The following IQSEC1 variants were observed in gnomAD, a reference collection of about 807,000 sequenced individuals.
IQSEC1 encodes IQ motif and SEC7 domain-containing protein 1.
IQSEC1 carries 31 observed loss-of-function variants against 91.0 expected under a neutral mutation model. The observed-to-expected ratio is 0.34, with a 90% confidence interval of 0.26 to 0.46. The LOEUF is 0.46. Ranked by LOEUF, IQSEC1 falls within the 20% of genes least tolerant of loss-of-function variation. IQSEC1 has a pLI of 1.00. For synonymous variants in IQSEC1, 699 were observed against 662.6 expected (o/e 1.05, Z -0.84); for missense variants, 1,388 against 1,575.6 (o/e 0.88, Z 2.02).
In IQSEC1 at chr3:12,935,702, A is replaced by G; in HGVS notation, c.1314T>C (p.Asn438=). The change falls in exon 3 of 14, where the codon AAT becomes AAC. Residue 438 remains asparagine, a synonymous_variant. Coordinates refer to ENST00000613206, the MANE Select transcript of IQSEC1 (RefSeq NM_001134382.3). The surrounding 1 kb of genome is among the most constrained non-coding windows in gnomAD (Gnocchi z 8.0). ...ACTTGCTCTGCCGGTTGGCTGAGCCATTGATGGCCAAGTGGCTGTCCAGGG... is the reference window on the plus strand; with the variant it reads ...ACTTGCTCTGCCGGTTGGCTGAGCCGTTGATGGCCAAGTGGCTGTCCAGGG... The part of the protein sequence containing the change: ...PRPLDSHLAI[N]GSANRQSKSE... The G allele has an allele frequency of 2.5e-6, 4 of 1,613,388 alleles. No homozygotes were observed. The highest frequency in any genetic ancestry group is 3.4e-6 in the Non-Finnish European group (4 of 1,180,008).
intron 1 of IQSEC1, among the ~76,000 whole-genome samples, chr3:13,231,032 T>C (rs1442318781): frequency 2.0e-5 from 3 of 152,196 alleles, no homozygotes; most frequent in Non-Finnish European, 4.4e-5. Flanking sequence ...CATAAAGTAT[T>C]GATGATTTTA....
intron 2 of IQSEC1, among the ~76,000 whole-genome samples, chr3:13,149,630 G>A (rs1408258297): frequency 6.6e-6 from 1 of 152,084 alleles, no homozygotes; most frequent in African/African-American, 2.4e-5. Flanking sequence ...GACGTGATGG[G>A]AGGTGAGACT....
exon 1 of IQSEC1, among the ~76,000 whole-genome samples, chr3:13,283,111 C>T (rs1421446471): frequency 3.5e-5 from 5 of 144,634 alleles, no homozygotes; most frequent in Non-Finnish European, 6.1e-5. Context: ...CGCCTCGGCT[C>T]CCGCCTCCGC....
chr3:13,135,164 C>T (rs1304176620), intron 2 of IQSEC1, among the ~76,000 whole-genome samples: 1 of 152,212 alleles, frequency 6.6e-6, no homozygotes, highest in Admixed American at 6.5e-5. Context: ...GCCTTATAGG[C>T]CTAAGCAGAC....
At chr3:13,154,812 G>A (rs571121444) in intron 2 of IQSEC1, among the ~76,000 whole-genome samples, 1 of 151,638 alleles carries the variant, frequency 6.6e-6, no homozygotes, top group South Asian at 2.1e-4. Flanking sequence ...CAACAATAGA[G>A]GAAAAACCTA....
upstream of IQSEC1, among the ~76,000 whole-genome samples, chr3:13,073,693 C>T (rs549698150): frequency 2.8e-4 from 42 of 152,372 alleles, no homozygotes; most frequent in Non-Finnish European, 4.6e-4. Context: ...CACTACTTTC[C>T]AAGGCGGCTT....
In IQSEC1 at chr3:12,935,703, T is replaced by C. The variant is rs914654971; in HGVS notation, c.1313A>G (p.Asn438Ser). ...PRPLDSHLAI[N>S]GSANRQSKSE... ...CTTGCTCTGCCGGTTGGCTGAGCCA[T>C]TGATGGCCAAGTGGCTGTCCAGGGG... is the stretch of plus-strand genomic sequence containing the variant. The change falls in exon 3 of 14, where the codon AAT becomes AGT. Residue 438 changes from asparagine to serine, a missense_variant. Physicochemically the swap from Asn to Ser is conservative, Grantham distance 46. Around this residue, in one of 2 missense-constraint regions of IQSEC1, gnomAD observed 1,059 missense variants for 1,317.8 expected, o/e 0.80. Transcript: ENST00000613206. The surrounding 1 kb of genome is among the most constrained non-coding windows in gnomAD (Gnocchi z 8.0). 1 of 1,613,528 alleles carries C rather than the reference T, an allele frequency of 6.2e-7. No individual in the cohort carries two copies. Among genetic ancestry groups the C allele is most frequent in the Middle Eastern group, 1.7e-4 (1 of 6,040 alleles).
Position 12,920,524 on chromosome 3 carries a change from G to C in IQSEC1, c.1926C>G (p.Ala642=). ...CGGTGTTCAGCAGGATGATGGCGAA[G>C]GCCAGGATGAAAATGGTGTCTGGGT... ...FRNPDTIFIL[A]FAIILLNTDM... is the part of the protein sequence containing the mutation. The change falls in exon 6 of 14, where the codon GCC becomes GCG. Residue 642 remains alanine (A), a synonymous_variant. Transcript: ENST00000613206. 1 of 1,614,242 alleles carries C rather than the reference G, an allele frequency of 6.2e-7. No homozygotes were observed.
chr3:13,125,148 C>G (rs1706492393), intron 2 of IQSEC1, among the ~76,000 whole-genome samples: 1 of 152,188 alleles, frequency 6.6e-6, no homozygotes, highest in Non-Finnish European at 1.5e-5. Flanking sequence ...CCTACTGAAT[C>G]CTTATAACAT....
chr3:12,933,474 C>G (rs547427408), intron 3 of IQSEC1, among the ~76,000 whole-genome samples: 1 of 152,356 alleles, frequency 6.6e-6, no homozygotes, highest in South Asian at 2.1e-4. Context: ...AGCAAGGATC[C>G]AACAGTAGCA....
At chr3:13,087,201 C>G (rs543511247) in intron 2 of IQSEC1, among the ~76,000 whole-genome samples, 2 of 152,346 alleles carry the variant, frequency 1.3e-5, no homozygotes, top group East Asian at 3.9e-4. Flanking sequence ...AATAATAGGT[C>G]TTGTGATTAC....
intron 1 of IQSEC1, among the ~76,000 whole-genome samples, chr3:13,210,701 G>A (rs1694428049): frequency 6.6e-6 from 1 of 152,174 alleles, no homozygotes; most frequent in Non-Finnish European, 1.5e-5. Context: ...TCCTAAGAAG[G>A]AGAGTGTCTC....
intron 2 of IQSEC1, among the ~76,000 whole-genome samples, chr3:13,160,835 C>G (rs991242022): frequency 3.9e-5 from 6 of 152,372 alleles, no homozygotes; most frequent in East Asian, 1.9e-4. Flanking sequence ...GGTGCTGGCA[C>G]CATCGAGCCA....
At chr3:12,904,437 C>T (rs1332845678) in intron 12 of IQSEC1, among the ~76,000 whole-genome samples, 1 of 152,232 alleles carries the variant, frequency 6.6e-6, no homozygotes, top group Non-Finnish European at 1.5e-5. Context: ...AACCTTGGCC[C>T]TAATTCTCAG....
At chr3:13,150,693 A>C (rs1018999688) in intron 2 of IQSEC1, among the ~76,000 whole-genome samples, 1 of 152,138 alleles carries the variant, frequency 6.6e-6, no homozygotes, top group Non-Finnish European at 1.5e-5. Context: ...GCACCTGGAG[A>C]GGACAGTGGG....
At chr3:13,034,845 G>A (rs559685587) in intron 1 of IQSEC1, among the ~76,000 whole-genome samples, 15 of 152,314 alleles carry the variant, frequency 9.8e-5, no homozygotes, top group Non-Finnish European at 1.5e-4. Context: ...GCTCGCCATC[G>A]CAGGGAATAC....
At chr3:13,253,279 G>A (rs1432682562) in intron 1 of IQSEC1, among the ~76,000 whole-genome samples, 1 of 152,206 alleles carries the variant, frequency 6.6e-6, no homozygotes, top group Admixed American at 6.5e-5. Flanking sequence ...AGGGTACAGA[G>A]GCTAATACCA....
chr3:13,201,044 C>A (rs145649366), intron 1 of IQSEC1, among the ~76,000 whole-genome samples: 3,087 of 152,284 alleles, frequency 0.02, 46 homozygotes, highest in Middle Eastern at 0.031. Context: ...CAGCTGCATT[C>A]GACTCACTTT....
intron 1 of IQSEC1, chr3:13,047,485 G>A (rs1269841118): frequency 4.8e-5 from 47 of 985,200 alleles, no homozygotes; most frequent in South Asian, 1.4e-4. Context: ...TACCTGTAGC[G>A]GTCAGTGGAG....
Sources: gnomAD v4.1 joint callset for allele counts (sites outside exome capture counted in the v4.1 genomes callset) on GRCh38, gnomAD v4.1.1 for gene constraint, gnomAD v4.1.1 regional missense constraint, Gnocchi (gnomAD v3.1) non-coding constraint, MANE v1.5 for transcripts, NCBI Gene and HGNC (gene_info 2026-07-23, HGNC 2026-07-21) for gene names.